DAB2: variants seen among roughly 807,000 people sequenced by gnomAD.
DAB2 encodes disabled homolog 2.
DAB2 carries 28 observed loss-of-function variants against 71.6 expected under a neutral mutation model. The observed-to-expected ratio is 0.39, with a 90% confidence interval of 0.29 to 0.54. The LOEUF is 0.54. Among genes scored for constraint, DAB2 ranks in the 20% least tolerant of loss-of-function variants. The pLI is 0.68. For synonymous variants in DAB2, 345 were observed against 339.7 expected (o/e 1.02, Z -0.17); for missense variants, 867 against 928.8 (o/e 0.93, Z 0.86).
intron 1 of DAB2, among the ~76,000 whole-genome samples, chr5:39,405,571 T>A (rs900567846): frequency 3.9e-5 from 6 of 152,204 alleles, no homozygotes; most frequent in African/African-American, 1.4e-4. Flanking sequence ...TCAAGCAAGC[T>A]GGGTAGGACA....
At chr5:39,382,504 A>G (rs1755001647) in intron 10 of DAB2, 114 bp downstream of exon 10, 1 of 1,192,698 alleles carries the variant, frequency 8.4e-7, no homozygotes, top group African/African-American at 1.5e-5. Context: ...CCCACCTTCT[A>G]TTTCACAGCA....
intron 1 of DAB2, among the ~76,000 whole-genome samples, chr5:39,420,308 T>C (rs1313466911): frequency 1.3e-5 from 2 of 152,222 alleles, no homozygotes; most frequent in Non-Finnish European, 2.9e-5. Context: ...TATTGCTAGG[T>C]AGCAATAGGG....
intron 12 of DAB2, 90 bp downstream of exon 12, chr5:39,376,560 T>C: frequency 6.9e-7 from 1 of 1,449,920 alleles, no homozygotes; most frequent in Non-Finnish European, 9.4e-7. Flanking sequence ...TGTTGGCGGG[T>C]GGGAGAGGGT....
intron 4 of DAB2, among the ~76,000 whole-genome samples, chr5:39,391,512 G>A (rs1162865738): frequency 6.6e-6 from 1 of 152,144 alleles, no homozygotes; most frequent in African/African-American, 2.4e-5. Context: ...TAGGGTGCCA[G>A]GGCCCTAGGT....
Position 39,372,040 on chromosome 5 carries a change from A to C in DAB2, c.*1391T>G, listed in dbSNP as rs1754711836. The stretch of plus-strand genomic sequence containing the variant: ...GAGCATCACCCTCTTCTTCCCCCTC[A>C]AGGTAACATTGGATGTGGCTGATTA... On this transcript the variant is annotated 3_prime_UTR_variant, in exon 15 of 15. Transcript: ENST00000320816. 1 of 152,134 alleles carries C rather than the reference A, an allele frequency of 6.6e-6. No individual in the cohort carries two copies. The highest frequency in any genetic ancestry group is 1.5e-5 in the Non-Finnish European group (1 of 68,012). 9.4% of individuals were successfully genotyped at this position (152,134 alleles called of 1,614,324 possible). A position where few individuals can be genotyped will look rare whatever the true frequency, so the allele number is the denominator to read the frequency against.
At chr5:39,408,455 G>C (rs555213254) in intron 1 of DAB2, 1 of 152,148 alleles carries the variant, frequency 6.6e-6, no homozygotes, top group East Asian at 1.9e-4. Context: ...TGATCTATTC[G>C]AGTTGGGGAA....
chr5:39,415,209 G>A (rs1389725021), intron 1 of DAB2, among the ~76,000 whole-genome samples: 2 of 152,056 alleles, frequency 1.3e-5, no homozygotes, highest in African/African-American at 2.4e-5. Flanking sequence ...ACAAATTGAG[G>A]GGATATTTAC....
rs141989145 is a variant in DAB2 at position 39,414,271 on chromosome 5, G to T, written c.-102+10533C>A. Among the ~76,000 whole-genome samples the T allele has an allele frequency of 6.6e-3, 1,007 of 151,738 alleles. 7 individuals are homozygous for T. The highest frequency in any genetic ancestry group is 0.011 in the Non-Finnish European group (724 of 67,906). ...CTTAATTCACAATACAGCTGCACAGGGAAATAAGAAACAAAACAAAACAAG... is the reference window on the plus strand; with the variant it reads ...CTTAATTCACAATACAGCTGCACAGTGAAATAAGAAACAAAACAAAACAAG... On this transcript the variant is annotated intron_variant, in intron 1 of 14. Transcript: ENST00000320816.
At chr5:39,383,554 G>T (rs897073852) in intron 9 of DAB2, among the ~76,000 whole-genome samples, 1 of 152,054 alleles carries the variant, frequency 6.6e-6, no homozygotes, top group Non-Finnish European at 1.5e-5. Context: ...GCTCACCCTG[G>T]TTCACACATA....
intron 1 of DAB2, among the ~76,000 whole-genome samples, chr5:39,419,388 T>C (rs1319735141): frequency 1.3e-5 from 2 of 152,220 alleles, no homozygotes; most frequent in East Asian, 3.8e-4. Context: ...GATTCATAAT[T>C]GAATCCTGGC....
At chr5:39,401,915 G>T (rs1294012063) in intron 1 of DAB2, among the ~76,000 whole-genome samples, 1 of 151,948 alleles carries the variant, frequency 6.6e-6, no homozygotes, top group Non-Finnish European at 1.5e-5. Flanking sequence ...ATCATGCCTG[G>T]CTAATTTTTT....
intron 1 of DAB2, among the ~76,000 whole-genome samples, chr5:39,421,183 G>A (rs1333767079): frequency 1.3e-5 from 2 of 152,250 alleles, no homozygotes; most frequent in Admixed American, 1.3e-4. Context: ...AAACGCACTG[G>A]CTTTATTAAA....
In DAB2 at chr5:39,382,833, T is replaced by C. The variant is rs1484897858; in HGVS notation, c.1126A>G (p.Arg376Gly). The change falls in exon 10 of 15, where the codon AGA (arginine) becomes GGA (glycine). Residue 376 changes from arginine to glycine, a missense_variant. By Grantham distance (125) the Arg-to-Gly change is moderately radical. This residue lies in a region of DAB2 where 740 missense variants were observed against 734.3 expected (regional missense o/e 1.01). Coordinates refer to ENST00000320816, the MANE Select transcript of DAB2 (RefSeq NM_001343.4). ...CTTTCAGATACCCCATTTTGAGTTC[T>C]CACTGCTGGCTGGGTTTGCGAACTT... Reference protein sequence around the residue: ...FSSSQTQPAVRTQNGVSEREQ... With the variant: ...FSSSQTQPAVGTQNGVSEREQ... 1 of 1,614,188 alleles carries C rather than the reference T, an allele frequency of 6.2e-7. No individual in the cohort carries two copies. Among genetic ancestry groups the C allele is most frequent in the Non-Finnish European group, 8.5e-7 (1 of 1,180,038 alleles).
chr5:39,382,801 C>T lies in DAB2; in HGVS notation c.1158G>A (p.Gln386=). 6.2e-7 allele frequency: 1 copy of T among 1,614,192 alleles called. No homozygotes were observed. Among genetic ancestry groups the T allele is most frequent in the Non-Finnish European group, 8.5e-7 (1 of 1,180,036 alleles). The part of the protein sequence containing the change: ...RTQNGVSERE[Q]NGFSVKSSPN... ...GGGAGGATTTGACAGAGAAGCCGTTCTGTTCTCTTTCAGATACCCCATTTT... is the reference window on the plus strand; with the variant it reads ...GGGAGGATTTGACAGAGAAGCCGTTTTGTTCTCTTTCAGATACCCCATTTT... Residue 386 remains glutamine (Q), a synonymous_variant, in exon 10 of 15, where the codon CAG becomes CAA. Transcript: ENST00000320816.
intron 1 of DAB2, among the ~76,000 whole-genome samples, chr5:39,404,587 T>G (rs1231667840): frequency 1.4e-5 from 2 of 147,512 alleles, no homozygotes; most frequent in Non-Finnish European, 3.0e-5. Context: ...GGTTTTTGGG[T>G]TTTTTTTTTG....
chr5:39,381,632 G>A lies in DAB2; in HGVS notation c.1342-16C>T, dbSNP rs1384881173. On this transcript the variant is annotated splice_polypyrimidine_tract_variant and intron_variant, in intron 10 of 14. Coordinates refer to ENST00000320816, the MANE Select transcript of DAB2 (RefSeq NM_001343.4). ...TGGCTGAAGACTGACAGGACAGGGA[G>A]GGAGGGAGAAGCCTTAGTTACTCAC... 1.2e-6 allele frequency: 2 copies of A among 1,613,588 alleles called. No individual in the cohort carries two copies. The highest frequency in any genetic ancestry group is 4.5e-5 in the East Asian group (2 of 44,872).
intron 10 of DAB2, among the ~76,000 whole-genome samples, chr5:39,382,120 T>C (rs1469210386): frequency 6.6e-6 from 1 of 152,112 alleles, no homozygotes; most frequent in African/African-American, 2.4e-5. Context: ...GAGATCATAG[T>C]GGTAATAGTA....
At chr5:39,403,215 T>C (rs1287222130) in intron 1 of DAB2, among the ~76,000 whole-genome samples, 1 of 152,170 alleles carries the variant, frequency 6.6e-6, no homozygotes, top group African/African-American at 2.4e-5. Flanking sequence ...TTATAATGAT[T>C]AGAAAACTGA....
intron 3 of DAB2, 109 bp downstream of exon 3, chr5:39,393,145 A>C: frequency 8.8e-7 from 1 of 1,140,426 alleles, no homozygotes; most frequent in African/African-American, 1.5e-5. Context: ...TAATGTGATT[A>C]AAAGCAGTTT....
Sources: gnomAD v4.1 joint callset for allele counts (sites outside exome capture counted in the v4.1 genomes callset) on GRCh38, gnomAD v4.1.1 for gene constraint, gnomAD v4.1.1 regional missense constraint, MANE v1.5 for transcripts, NCBI Gene and HGNC (gene_info 2026-07-23, HGNC 2026-07-21) for gene names.